MS4A18: variants seen among roughly 807,000 people sequenced by gnomAD.
MS4A18 encodes the protein membrane spanning 4-domains A18.
A neutral mutation model predicts 13.1 loss-of-function variants in MS4A18; 27 were observed. The ratio of observed to expected loss-of-function variants is 2.06; its 90% confidence interval spans 1.52 to 2.84. MS4A18 has a LOEUF of 2.84. Among genes scored for constraint, MS4A18 ranks in the 30% most tolerant of loss-of-function variants. The pLI, the probability that MS4A18 is intolerant of heterozygous loss-of-function variation, is 0.00. For missense variants in MS4A18, 307 were observed against 196.4 expected (o/e 1.56, Z -3.37); for synonymous variants, 126 against 76.5 (o/e 1.65, Z -3.38).
chr11:60,738,381 C>T (rs1853372045), intron 3 of MS4A18, among the ~76,000 whole-genome samples: 1 of 152,150 alleles, frequency 6.6e-6, no homozygotes, highest in African/African-American at 2.4e-5. Flanking sequence ...TCCCCGACTC[C>T]CTTCCCTCAA....
exon 1 of MS4A18, chr11:60,729,593 C>T (rs534337923): frequency 1.1e-4 from 74 of 702,798 alleles, no homozygotes; most frequent in Middle Eastern, 4.6e-4. Flanking sequence ...AGTTTGCAGA[C>T]GGTGCCTGGA....
intron 1 of MS4A18, 103 bp downstream of exon 2, chr11:60,729,889 T>A (rs1853228250): frequency 1.6e-6 from 1 of 612,296 alleles, no homozygotes; most frequent in South Asian, 1.9e-5. Context: ...AAAGGGGAGG[T>A]GGAGTGGGTG....
At position 60,731,288 on chromosome 11, in the gene MS4A18, A is replaced by G. The variant is rs542447857; in HGVS notation, c.477+1496A>G. Reference sequence around the variant, plus strand: ...GTTAACTTTGGCTAGCAATTATTCTAAGATATTTTGGAAGGATTTCAAAAT... The same window carrying G: ...GTTAACTTTGGCTAGCAATTATTCTGAGATATTTTGGAAGGATTTCAAAAT... On this transcript the variant is annotated intron_variant, in intron 1 of 5. Transcript: ENST00000529108. Among the ~76,000 whole-genome samples the G allele has an allele frequency of 1.6e-4, 24 of 152,326 alleles. No homozygotes were observed. The South Asian group carries it at 4.6e-3, about 29-fold the overall frequency.
At chr11:60,727,129 T>C (rs1853173636), upstream of MS4A18, among the ~76,000 whole-genome samples, 1 of 152,308 alleles carries the variant, frequency 6.6e-6, no homozygotes, top group Middle Eastern at 3.4e-3. Context: ...CCATGGTGTA[T>C]ATGTGCCACG....
In MS4A18 at chr11:60,743,655, GGC is replaced by G; in HGVS notation, c.865_866del (p.Ala289SerfsTer70). Reference sequence around the variant, plus strand: ...ACATGTCCTTTGTCTTTCAGAATGTGGCAGTGATTCCAACCGTATTCAGTTTC... The same window carrying G: ...ACATGTCCTTTGTCTTTCAGAATGTGAGTGATTCCAACCGTATTCAGTTTC... On this transcript the variant is annotated frameshift_variant, in exon 6 of 6. Coordinates refer to ENST00000529108, the Ensembl canonical transcript of MS4A18. LOFTEE classifies it low-confidence loss of function (END_TRUNC). The G allele has an allele frequency of 1.4e-6, 1 of 702,422 alleles. No homozygotes were observed. 43.5% of individuals were successfully genotyped at this position (702,422 alleles called of 1,614,324 possible).
chr11:60,727,248 T>A (rs139537467), upstream of MS4A18, among the ~76,000 whole-genome samples: 4 of 152,196 alleles, frequency 2.6e-5, no homozygotes, highest in Non-Finnish European at 5.9e-5. Flanking sequence ...AAAGAACAAA[T>A]GTTAACTGTT....
upstream of MS4A18, among the ~76,000 whole-genome samples, chr11:60,728,392 ATGTG>A (rs1480072231): frequency 1.3e-5 from 2 of 149,472 alleles, no homozygotes; most frequent in African/African-American, 5.0e-5. Flanking sequence ...ATCTGTGTGT[ATGTG>A]TGTATGTATG....
chr11:60,741,054 G>C, exon 5 of MS4A18: 1 of 702,974 alleles, frequency 1.4e-6, no homozygotes, highest in Non-Finnish European at 2.6e-6. Context: ...GGTTTCTGGC[G>C]GTCTTCTCCC....
At chr11:60,739,726 T>C (rs532821099) in intron 4 of MS4A18, among the ~76,000 whole-genome samples, 1 of 152,238 alleles carries the variant, frequency 6.6e-6, no homozygotes, top group East Asian at 1.9e-4. Flanking sequence ...GGCAAAGGAG[T>C]TTCTTGTGGC....
At chr11:60,730,373 T>G (rs1391574727) in intron 1 of MS4A18, among the ~76,000 whole-genome samples, 1 of 152,232 alleles carries the variant, frequency 6.6e-6, no homozygotes, top group Non-Finnish European at 1.5e-5. Context: ...TCTGGATGCC[T>G]GGCCAACTCT....
At chr11:60,726,736 T>TATTTTATTTG (rs1853167683), upstream of MS4A18, among the ~76,000 whole-genome samples, 1 of 147,388 alleles carries the variant, frequency 6.8e-6, no homozygotes, top group African/African-American at 2.6e-5. Flanking sequence ...TATTTTATTT[T>TATTTTATTTG]ATTTTATTTT....
At chr11:60,736,374 T>C (rs1400060410) in intron 2 of MS4A18, among the ~76,000 whole-genome samples, 1 of 151,990 alleles carries the variant, frequency 6.6e-6, no homozygotes, top group African/African-American at 2.4e-5. Flanking sequence ...AGGAACGTCC[T>C]GAGCCCAGGC....
intron 3 of MS4A18, among the ~76,000 whole-genome samples, 153 bp downstream of exon 4, chr11:60,737,187 T>C (rs986584671): frequency 2.6e-5 from 4 of 152,158 alleles, no homozygotes; most frequent in Non-Finnish European, 5.9e-5. Flanking sequence ...TCCCCATCAC[T>C]CTGTGAAGCT....
At chr11:60,733,821 C>T (rs1314295934) in intron 2 of MS4A18, among the ~76,000 whole-genome samples, 174 bp downstream of exon 3, 1 of 152,122 alleles carries the variant, frequency 6.6e-6, no homozygotes, top group East Asian at 1.9e-4. Flanking sequence ...CCCAGCAACA[C>T]TCCCTCCCAC....
At chr11:60,741,329 T>C (rs955053327) in intron 5 of MS4A18, among the ~76,000 whole-genome samples, 186 bp downstream of exon 6, 1 of 152,188 alleles carries the variant, frequency 6.6e-6, no homozygotes, top group Non-Finnish European at 1.5e-5. Context: ...ATTCTGTGCA[T>C]CATCAGCTTG....
exon 4 of MS4A18, chr11:60,738,992 G>A: frequency 2.8e-6 from 2 of 703,058 alleles, no homozygotes; most frequent in Non-Finnish European, 2.6e-6. Flanking sequence ...CCTTTACTAT[G>A]TGACGGTGAG....
At chr11:60,735,661 CTTTT>C (rs1167113182) in intron 2 of MS4A18, among the ~76,000 whole-genome samples, 2 of 90,108 alleles carry the variant, frequency 2.2e-5, no homozygotes, top group East Asian at 3.6e-4. Context: ...CATTCCCTTG[CTTTT>C]TTTTTTTTTT....
intron 3 of MS4A18, among the ~76,000 whole-genome samples, chr11:60,738,049 C>A (rs1045166622): frequency 3.3e-5 from 5 of 152,186 alleles, no homozygotes; most frequent in Admixed American, 6.5e-5. Flanking sequence ...GTCTCCTAGT[C>A]CTCTCTTGCT....
intron 5 of MS4A18, 94 bp downstream of exon 6, chr11:60,741,237 C>T (rs1477699316): frequency 1.4e-6 from 1 of 696,804 alleles, no homozygotes; most frequent in East Asian, 2.7e-5. Context: ...AGAAATGAGG[C>T]CTGAGAGAGG....
Sources: allele counts gnomAD v4.1 joint callset (sites outside exome capture counted in the v4.1 genomes callset), GRCh38; gene constraint gnomAD v4.1.1; transcripts MANE v1.5; gene names NCBI Gene and HGNC (gene_info 2026-07-23, HGNC 2026-07-21).